MAGI2: variants seen among roughly 807,000 people sequenced by gnomAD.
The protein encoded by MAGI2 is membrane-associated guanylate kinase, WW and PDZ domain-containing protein 2.
In MAGI2, 35 loss-of-function variants were observed where a neutral mutation model predicts 133.3. That is an observed-to-expected ratio of 0.26 (90% CI 0.20 to 0.35). The LOEUF is 0.35. MAGI2 is among the 10% of genes least tolerant of loss of function. The probability of loss-of-function intolerance (pLI) is 1.00; values close to 1 mark genes in which losing one functional copy is unlikely to be tolerated. For synonymous variants in MAGI2, 729 were observed against 710.6 expected (o/e 1.03, Z -0.41); for missense variants, 1,636 against 1,863.4 (o/e 0.88, Z 2.25).
intron 6 of MAGI2, among the ~76,000 whole-genome samples, chr7:78,408,624 T>C (rs1001648721): frequency 6.6e-6 from 1 of 152,058 alleles, no homozygotes; most frequent in African/African-American, 2.4e-5. Context: ...AGGATCCAAT[T>C]TGGCAGTCTA....
intron 1 of MAGI2, among the ~76,000 whole-genome samples, chr7:79,214,632 A>T (rs1197935952): frequency 7.1e-6 from 1 of 141,068 alleles, no homozygotes; most frequent in Non-Finnish European, 1.5e-5. Flanking sequence ...ATATATATAA[A>T]TTTTATATAT....
intron 6 of MAGI2, among the ~76,000 whole-genome samples, chr7:78,431,251 A>T (rs754403806): frequency 3.3e-5 from 5 of 152,110 alleles, no homozygotes. Flanking sequence ...ATTATTTGAG[A>T]CACTTGCAGA....
At chr7:78,470,704 C>T (rs10279188) in intron 6 of MAGI2, among the ~76,000 whole-genome samples, 35,686 of 151,882 alleles carry the variant, frequency 0.23, 5,458 homozygotes, top group African/African-American at 0.43. Context: ...ATTGCTTCCA[C>T]AGAAAATAGA....
chr7:78,257,465 T>C (rs1793107690), intron 9 of MAGI2, among the ~76,000 whole-genome samples: 1 of 152,186 alleles, frequency 6.6e-6, no homozygotes, highest in African/African-American at 2.4e-5. Flanking sequence ...TAAAGGCACT[T>C]GTCCTTTCTC....
Position 78,855,952 on chromosome 7 carries a change from A to G in MAGI2, c.418+151138T>C, listed in dbSNP as rs572671165. Among the ~76,000 whole-genome samples the G allele has an allele frequency of 8.5e-5, 13 of 152,216 alleles. No homozygotes were observed. The East Asian group carries it at 2.5e-3, about 29-fold the overall frequency. On this transcript the variant is annotated intron_variant, in intron 2 of 21. Coordinates refer to ENST00000354212, the MANE Select transcript of MAGI2 (RefSeq NM_012301.4). Reference sequence around the variant, plus strand: ...ACTTTTCAATGATTGCCATTCTAACAGGTGTGAGATGGTATCTCATTGTGG... The same window carrying G: ...ACTTTTCAATGATTGCCATTCTAACGGGTGTGAGATGGTATCTCATTGTGG...
At chr7:78,285,744 A>G (rs1796082599) in intron 9 of MAGI2, 1 of 152,132 alleles carries the variant, frequency 6.6e-6, no homozygotes, top group African/African-American at 2.4e-5. Context: ...TGATCAGGAC[A>G]TCTGCGTGGG....
intron 1 of MAGI2, among the ~76,000 whole-genome samples, chr7:79,028,394 C>T (rs1242706693): frequency 6.7e-6 from 1 of 149,150 alleles, no homozygotes. Context: ...TACACAGATA[C>T]ACATATGATG....
chr7:78,575,831 A>G (rs1204863655), intron 3 of MAGI2, among the ~76,000 whole-genome samples: 1 of 152,182 alleles, frequency 6.6e-6, no homozygotes, highest in East Asian at 1.9e-4. Context: ...AAGGGACATA[A>G]TAATTATATG....
chr7:78,405,710 A>G (rs1220141586), intron 6 of MAGI2, among the ~76,000 whole-genome samples: 1 of 152,098 alleles, frequency 6.6e-6, no homozygotes, highest in African/African-American at 2.4e-5. Flanking sequence ...TACACTTAAA[A>G]TAATAGACGA....
At chr7:78,391,166 G>T (rs1212923979) in intron 6 of MAGI2, among the ~76,000 whole-genome samples, 2 of 152,206 alleles carry the variant, frequency 1.3e-5, no homozygotes, top group African/African-American at 2.4e-5. Context: ...TCGCTCTTCA[G>T]TCAGAGTCCA....
chr7:78,408,622 A>G (rs1314286601), intron 6 of MAGI2, among the ~76,000 whole-genome samples: 1 of 152,060 alleles, frequency 6.6e-6, no homozygotes, highest in South Asian at 2.1e-4. Flanking sequence ...GTAGGATCCA[A>G]TTTGGCAGTC....
At chr7:78,781,401 A>G (rs1473381545) in intron 2 of MAGI2, among the ~76,000 whole-genome samples, 1 of 147,024 alleles carries the variant, frequency 6.8e-6, no homozygotes, top group African/African-American at 2.5e-5. Context: ...AAAAAAAAAG[A>G]ATATAGCAGA....
intron 1 of MAGI2, among the ~76,000 whole-genome samples, chr7:79,111,339 G>T (rs1288338410): frequency 6.6e-6 from 1 of 152,078 alleles, no homozygotes; most frequent in African/African-American, 2.4e-5. Flanking sequence ...CAAGCCTGAT[G>T]ATTTTGAACC....
chr7:79,280,971 A>T (rs567502278), intron 1 of MAGI2, among the ~76,000 whole-genome samples: 84 of 127,288 alleles, frequency 6.6e-4, no homozygotes, highest in South Asian at 1.3e-3. Context: ...AAAAAGAATG[A>T]TATAAGGTTT....
At chr7:79,048,073 A>T (rs1390470469) in intron 1 of MAGI2, among the ~76,000 whole-genome samples, 5 of 152,180 alleles carry the variant, frequency 3.3e-5, no homozygotes, top group Non-Finnish European at 7.3e-5. Flanking sequence ...TTTGTTTTAA[A>T]GGGTAGAATA....
chr7:79,148,598 C>T (rs183138439), intron 1 of MAGI2, among the ~76,000 whole-genome samples: 7 of 152,044 alleles, frequency 4.6e-5, no homozygotes, highest in Admixed American at 2.0e-4. Flanking sequence ...TCTGTGTAAT[C>T]CTTTGTCCCA....
chr7:78,202,161 A>G (rs963446927), intron 10 of MAGI2, among the ~76,000 whole-genome samples: 1 of 152,300 alleles, frequency 6.6e-6, no homozygotes, highest in East Asian at 1.9e-4. Context: ...ATCCCTAATA[A>G]AAATGAATAT....
At chr7:79,402,829 G>A (rs1845561912) in intron 1 of MAGI2, among the ~76,000 whole-genome samples, 2 of 152,068 alleles carry the variant, frequency 1.3e-5, no homozygotes, top group South Asian at 4.1e-4. Context: ...TTGACTTACA[G>A]TACTCTATAA....
At position 78,853,332 on chromosome 7, in the gene MAGI2, C is replaced by CTTTTTTTTTTT. The variant is rs60580466; in HGVS notation, c.418+153747_418+153757dup. Among the ~76,000 whole-genome samples the CTTTTTTTTTTT allele has an allele frequency of 2.8e-3, 69 of 25,076 alleles. 29 individuals are homozygous for CTTTTTTTTTTT. The highest frequency in any genetic ancestry group is 3.5e-3 in the Non-Finnish European group (48 of 13,910). 16.5% of individuals were successfully genotyped at this position (25,076 alleles called of 152,430 possible). A position where few individuals can be genotyped will look rare whatever the true frequency, so the allele number is the denominator to read the frequency against. ...CTCATATTACTCTTGTCCATTCGTT[C>CTTTTTTTTTTT]TTTTTTTTTTTTTTTTTTTTTTTTT... is the stretch of plus-strand genomic sequence containing the variant. On this transcript the variant is annotated intron_variant, in intron 2 of 21. Coordinates refer to ENST00000354212, the MANE Select transcript of MAGI2 (RefSeq NM_012301.4).
Sources: allele counts gnomAD v4.1 joint callset (sites outside exome capture counted in the v4.1 genomes callset), GRCh38; gene constraint gnomAD v4.1.1; transcripts MANE v1.5; gene names NCBI Gene and HGNC (gene_info 2026-07-23, HGNC 2026-07-21).